Variants in FOXN3 observed in about 807,000 individuals in gnomAD.
The protein encoded by FOXN3 is forkhead box protein N3.
A neutral mutation model predicts 38.4 loss-of-function variants in FOXN3; 7 were observed. The ratio of observed to expected loss-of-function variants is 0.18; its 90% CI spans 0.10 to 0.34. The LOEUF is 0.34. FOXN3 is among the 10% of genes least tolerant of loss of function. FOXN3 has a pLI of 1.00. For missense variants in FOXN3, 456 were observed against 613.4 expected, an observed-to-expected ratio of 0.74 and a Z score of 2.71; for synonymous variants, 230 against 242.2, an observed-to-expected ratio of 0.95 and a Z score of 0.47.
intron 4 of FOXN3, among the ~76,000 whole-genome samples, chr14:89,238,988 A>G (rs1044828018): frequency 5.3e-5 from 8 of 152,240 alleles, no homozygotes; most frequent in Non-Finnish European, 1.0e-4. Context: ...TATAGCACAC[A>G]TGAACATTTA....
chr14:89,604,256 C>A (rs1038893698), intron 1 of FOXN3, among the ~76,000 whole-genome samples: 1 of 52,178 alleles, frequency 1.9e-5, no homozygotes, highest in Non-Finnish European at 3.9e-5. Context: ...CGCACACACA[C>A]GCGCGCGCAC....
chr14:89,546,375 G>A (rs1894885560), intron 1 of FOXN3, among the ~76,000 whole-genome samples: 1 of 117,704 alleles, frequency 8.5e-6, no homozygotes, highest in Non-Finnish European at 1.6e-5. Flanking sequence ...CTGTCACCAG[G>A]CTGGAGTGTG....
intron 4 of FOXN3, among the ~76,000 whole-genome samples, chr14:89,236,709 C>A (rs1241324855): frequency 6.6e-6 from 1 of 152,148 alleles, no homozygotes; most frequent in Non-Finnish European, 1.5e-5. Flanking sequence ...GATAGGGAGG[C>A]CTAATGCCCT....
At chr14:89,397,399 A>C (rs2140083992) in intron 2 of FOXN3, among the ~76,000 whole-genome samples, 1 of 151,434 alleles carries the variant, frequency 6.6e-6, no homozygotes, top group East Asian at 1.9e-4. Flanking sequence ...GTTTATCTAT[A>C]TAACAAACCT....
chr14:89,439,587 A>C (rs1566656871), intron 1 of FOXN3, among the ~76,000 whole-genome samples: 1 of 152,148 alleles, frequency 6.6e-6, no homozygotes, highest in Non-Finnish European at 1.5e-5. Context: ...TCATCAAGAA[A>C]TAACCATAAA....
At chr14:89,172,944 GAAAT>G (rs1474492729) in intron 5 of FOXN3, among the ~76,000 whole-genome samples, 1 of 152,070 alleles carries the variant, frequency 6.6e-6, no homozygotes, top group Non-Finnish European at 1.5e-5. Context: ...ATAGAGTAGG[GAAAT>G]AAATTTTTAA....
chr14:89,606,016 T>C (rs568286673), intron 1 of FOXN3, among the ~76,000 whole-genome samples: 1 of 151,710 alleles, frequency 6.6e-6, no homozygotes, highest in African/African-American at 2.4e-5. Context: ...TAATATGTAA[T>C]CTGTGAGATT....
chr14:89,306,377 TGAGACGGA>T (rs1413664400), intron 3 of FOXN3, among the ~76,000 whole-genome samples: 1 of 151,716 alleles, frequency 6.6e-6, no homozygotes, highest in African/African-American at 2.4e-5. Context: ...TTTTTTTTTT[TGAGACGGA>T]GAGACGGAGT....
chr14:89,526,120 T>TA (rs35183825), intron 1 of FOXN3, among the ~76,000 whole-genome samples: 58,999 of 151,880 alleles, frequency 0.39, 11,887 homozygotes, highest in East Asian at 0.6. Context: ...AAGGAACTTT[T>TA]TCAACTTCAT....
At chr14:89,448,599 C>A (rs1269002733) in intron 1 of FOXN3, among the ~76,000 whole-genome samples, 2 of 152,068 alleles carry the variant, frequency 1.3e-5, no homozygotes, top group African/African-American at 2.4e-5. Flanking sequence ...TCACAATGAC[C>A]CTGTCTGACA....
intron 2 of FOXN3, among the ~76,000 whole-genome samples, chr14:89,409,865 C>A (rs939721171): frequency 6.6e-6 from 1 of 152,084 alleles, no homozygotes; most frequent in Non-Finnish European, 1.5e-5. Context: ...ACCTGAGATA[C>A]GGAGGGAAGG....
At chr14:89,378,668 G>C (rs1178015004) in intron 2 of FOXN3, among the ~76,000 whole-genome samples, 2 of 151,430 alleles carry the variant, frequency 1.3e-5, no homozygotes, top group Non-Finnish European at 1.5e-5. Context: ...AAAGGAGAAA[G>C]GCAGGGAAAA....
At chr14:89,492,627 G>A (rs969949823) in intron 1 of FOXN3, among the ~76,000 whole-genome samples, 3 of 152,146 alleles carry the variant, frequency 2.0e-5, no homozygotes, top group Admixed American at 6.5e-5. Flanking sequence ...CAGAAGGATC[G>A]CTAGAGCCCA....
At chr14:89,452,457 G>A (rs1276817068) in intron 1 of FOXN3, among the ~76,000 whole-genome samples, 1 of 152,194 alleles carries the variant, frequency 6.6e-6, no homozygotes, top group Admixed American at 6.5e-5. Flanking sequence ...CTGCACTAAT[G>A]TGGACACAGG....
At chr14:89,457,010 T>C (rs983901595) in intron 1 of FOXN3, among the ~76,000 whole-genome samples, 48 of 152,314 alleles carry the variant, frequency 3.2e-4, no homozygotes, top group African/African-American at 1.2e-3. Context: ...AGTAAATTTG[T>C]ATCACCGTTA....
chr14:89,394,363 C>T (rs1159036910), intron 2 of FOXN3, among the ~76,000 whole-genome samples: 3 of 151,872 alleles, frequency 2.0e-5, no homozygotes, highest in Non-Finnish European at 4.4e-5. Context: ...ACCACCACGC[C>T]CAGCTAATTT....
rs538476673 is a variant in FOXN3, at chr14:89,331,257, G to T, written c.680+19415C>A. 9.2e-5 allele frequency among the ~76,000 whole-genome samples: 14 copies of T among 152,178 alleles called. No homozygotes were observed. In the East Asian group the frequency reaches 2.3e-3, roughly 25 times the overall value. ...CCACTAATCCACTTTCTGTCTCTAT[G>T]TTATTTGTCTATTCTAGGAAAACTT... On this transcript the variant is annotated intron_variant, in intron 3 of 5. Transcript: ENST00000557258.
At chr14:89,378,377 T>A (rs1351268260) in intron 2 of FOXN3, among the ~76,000 whole-genome samples, 1 of 152,162 alleles carries the variant, frequency 6.6e-6, no homozygotes, top group Non-Finnish European at 1.5e-5. Context: ...CAGGACTCCT[T>A]CTCTCAGAGC....
At chr14:89,601,389 C>T (rs907097511) in intron 1 of FOXN3, among the ~76,000 whole-genome samples, 1 of 152,150 alleles carries the variant, frequency 6.6e-6, no homozygotes, top group Non-Finnish European at 1.5e-5. Context: ...GTTACTAAAA[C>T]GTCAGTGTGT....
Sources: gnomAD v4.1 joint callset for allele counts (sites outside exome capture counted in the v4.1 genomes callset) on GRCh38, gnomAD v4.1.1 for gene constraint, MANE v1.5 for transcripts, NCBI Gene and HGNC (gene_info 2026-07-23, HGNC 2026-07-21) for gene names.